The following ESPL1 variants were observed in gnomAD, a reference collection of about 807,000 sequenced individuals.
ESPL1 encodes extra spindle pole bodies like 1, separase, also known as separin.
A neutral mutation model predicts 217.2 loss-of-function variants in ESPL1; 50 were observed. That is an observed-to-expected ratio of 0.23 (90% CI 0.18 to 0.29). ESPL1 has a LOEUF of 0.29. Ranked by LOEUF, ESPL1 falls within the 10% of genes least tolerant of loss-of-function variation. The pLI, the probability that ESPL1 is intolerant of heterozygous loss-of-function variation, is 1.00. For missense variants in ESPL1, 1,834 were observed against 2,603.0 expected (o/e 0.70, Z 6.43); for synonymous variants, 994 against 1,081.3 (o/e 0.92, Z 1.58).
rs983195879 is a variant in ESPL1 at position 53,289,809 on chromosome 12, A to T, written c.5113+215A>T. ...CAGCAAATTCAGTGTCTTTCCTCAG[A>T]GGTGAGTTCAGATGACTGGGGTCTT... On this transcript the variant is annotated intron_variant, in intron 22 of 30. Transcript: ENST00000257934. 1.5e-5 allele frequency: 9 copies of T among 606,018 alleles called. No individual in the cohort carries two copies. The Admixed American group carries it at 2.8e-4, about 19-fold the overall frequency. 37.5% of individuals were successfully genotyped at this position (606,018 alleles called of 1,614,324 possible).
At chr12:53,279,599 C>A (rs1943826906) in intron 11 of ESPL1, 133 bp from the exon 12 acceptor site, 2 of 1,002,924 alleles carry the variant, frequency 2.0e-6, no homozygotes, top group Admixed American at 2.2e-5. Flanking sequence ...ATGATTGCTT[C>A]ATCTGGGTAA....
chr12:53,283,092 G>A, intron 14 of ESPL1, 37 bp from the exon 15 acceptor site: 4 of 1,613,184 alleles, frequency 2.5e-6, no homozygotes, highest in Non-Finnish European at 2.5e-6. Context: ...TGAAGTTCTG[G>A]CTGCATCTTC....
intron 11 of ESPL1, 132 bp from the exon 12 acceptor site, chr12:53,279,600 A>G: frequency 2.0e-6 from 2 of 1,018,940 alleles, no homozygotes; most frequent in African/African-American, 1.6e-5. Flanking sequence ...TGATTGCTTC[A>G]TCTGGGTAAC....
Position 53,286,045 on chromosome 12 carries a change from C to A in ESPL1, c.3309C>A (p.Gly1103=). 6.2e-7 allele frequency: 1 copy of A among 1,609,034 alleles called. No individual in the cohort carries two copies. The highest frequency in any genetic ancestry group is 8.5e-7 in the Non-Finnish European group (1 of 1,175,662). The change falls in exon 18 of 31, where the codon GGC becomes GGA. Residue 1103 remains glycine, a synonymous_variant. Coordinates refer to ENST00000257934, the MANE Select transcript of ESPL1 (RefSeq NM_012291.5). The surrounding 1 kb of genome is among the most constrained non-coding windows in gnomAD (Gnocchi z 5.3). ...CAGAGGAGGAGCTCTTCCTAAGAGG[C>A]CCTGCTCTAGAGCTGGTGGCCACTG... The part of the protein sequence containing the change: ...QLPEEELFLR[G]PALELVATVA...
chr12:53,282,405 C>T lies in ESPL1; in HGVS notation c.2761C>T (p.His921Tyr), dbSNP rs1943877621. ...YLSLPSNNLS[H>Y]SLWEQLCAQG... ...TAGCCTCCCGTCAAACAACCTCTCACACTCCCTGTGGGAGCAGCTCTGTGC... is the reference window on the plus strand; with the variant it reads ...TAGCCTCCCGTCAAACAACCTCTCATACTCCCTGTGGGAGCAGCTCTGTGC... Residue 921 changes from histidine to tyrosine, a missense_variant, in exon 14 of 31, where the codon CAC becomes TAC. This residue lies in a region of ESPL1 where 107 missense variants were observed against 171.7 expected (regional missense o/e 0.62). Transcript: ENST00000257934. The surrounding 1 kb of genome is among the most constrained non-coding windows in gnomAD (Gnocchi z 4.0). The T allele has an allele frequency of 1.2e-6, 2 of 1,614,206 alleles. No individual in the cohort carries two copies. Among genetic ancestry groups the T allele is most frequent in the Non-Finnish European group, 1.7e-6 (2 of 1,180,028 alleles).
rs1472340363 is a variant in ESPL1 at position 53,268,521 on chromosome 12, C to T, written c.-13+144C>T. 5 of 510,670 alleles carry T rather than the reference C, an allele frequency of 9.8e-6. No individual in the cohort carries two copies. The East Asian group carries it at 1.8e-4, about 18-fold the overall frequency. The allele number at this position is 510,670 out of a possible 1,614,324, so 31.6% of individuals were successfully genotyped here. ...GCCCCGGGCCGCTGAAGGGCTGGGC[C>T]GAGGCCTCTGGGGTAGCGCGGCGAG... On this transcript the variant is annotated intron_variant, in intron 1 of 30. Coordinates refer to ENST00000257934, the MANE Select transcript of ESPL1 (RefSeq NM_012291.5).
chr12:53,270,112 G>A (rs1943642903), intron 3 of ESPL1, 27 bp downstream of exon 3: 1 of 1,567,560 alleles, frequency 6.4e-7, no homozygotes, highest in Non-Finnish European at 8.7e-7. Flanking sequence ...GAGGTAGGGT[G>A]GGGACGTGGT....
rs1944010032 is a variant in ESPL1 at position 53,289,209 on chromosome 12, C to T, written c.4828C>T (p.His1610Tyr). Residue 1610 changes from histidine (H) to tyrosine (Y), a missense_variant, in exon 21 of 31, where the codon CAC (histidine) becomes TAC (tyrosine). By Grantham distance (83) the His-to-Tyr change is moderately conservative (BLOSUM62 2). Around this residue, in one of 5 missense-constraint regions of ESPL1, gnomAD observed 681 missense variants for 808.0 expected, o/e 0.84. Transcript: ENST00000257934. ...LCRFLALCLG[H>Y]RDPYATAFLV... ...CCGCTTCCTGGCCTTGTGCCTGGGC[C>T]ACCGGGATCCTTATGCCACTGCTTT... 1 of 1,613,886 alleles carries T rather than the reference C, an allele frequency of 6.2e-7. No homozygotes were observed. Among genetic ancestry groups the T allele is most frequent in the Non-Finnish European group, 8.5e-7 (1 of 1,180,030 alleles).
rs1194117666 is a variant in ESPL1, at chr12:53,292,724, T to C, written c.5996+67T>C. On this transcript the variant is annotated intron_variant, in intron 29 of 30. Transcript: ENST00000257934. The surrounding 1 kb of genome is among the most constrained non-coding windows in gnomAD (Gnocchi z 4.5). ...GAGGATGGTATCACCATGGGTTGCT[T>C]TGGGACTTGAGAGCCTCTGAAGACA... 12 of 1,602,630 alleles carry C rather than the reference T, an allele frequency of 7.5e-6. No homozygotes were observed. Among genetic ancestry groups the C allele is most frequent in the Non-Finnish European group, 1.0e-5 (12 of 1,172,418 alleles).
Position 53,270,074 on chromosome 12 carries a change from C to G in ESPL1, c.1132C>G (p.Arg378Gly), listed in dbSNP as rs1233498541. ...GTACTGCTCTCTTCTGCAGCAGCTG[C>G]GGGATGATGGTGTGAGTTAAGGACC... ...GGYCSLLQQL[R>G]DDGVYGGSSK... Residue 378 changes from arginine to glycine, a missense_variant, in exon 3 of 31, where the codon CGG (arginine) becomes GGG (glycine). Physicochemically the swap from Arg to Gly is moderately radical, Grantham distance 125. Coordinates refer to ENST00000257934, the MANE Select transcript of ESPL1 (RefSeq NM_012291.5). The G allele has an allele frequency of 6.2e-7, 1 of 1,607,034 alleles. No individual in the cohort carries two copies. Among genetic ancestry groups the G allele is most frequent in the Admixed American group, 1.7e-5 (1 of 59,364 alleles).
chr12:53,283,385 A>G lies in ESPL1; in HGVS notation c.2924A>G (p.Glu975Gly). ...AVETSFLDYG[E>G]NLVQKWQVLS... Reference sequence around the variant, plus strand: ...GGTCTTGTCTCTTTTGCTACAGGTGAAAATCTGGTACAAAAATGGCAGGTT... The same window carrying G: ...GGTCTTGTCTCTTTTGCTACAGGTGGAAATCTGGTACAAAAATGGCAGGTT... The change falls in exon 16 of 31, where the codon GAA becomes GGA. Residue 975 changes from glutamate (E) to glycine (G), a missense_variant. Around this residue, in one of 5 missense-constraint regions of ESPL1, gnomAD observed 107 missense variants for 171.7 expected, o/e 0.62. Transcript: ENST00000257934. 1 of 1,614,030 alleles carries G rather than the reference A, an allele frequency of 6.2e-7. No homozygotes were observed. Among genetic ancestry groups the G allele is most frequent in the South Asian group, 1.1e-5 (1 of 91,064 alleles).
intron 5 of ESPL1, 86 bp from the exon 6 acceptor site, chr12:53,272,635 G>C: frequency 6.7e-7 from 1 of 1,489,758 alleles, no homozygotes; most frequent in South Asian, 1.2e-5. Context: ...ACTGACCACA[G>C]ATCCAGCTGA....
At chr12:53,279,391 A>G (rs141891152) in intron 11 of ESPL1, among the ~76,000 whole-genome samples, 2,244 of 152,342 alleles carry the variant, frequency 0.015, 27 homozygotes, top group South Asian at 0.054. Context: ...TACCTGTTAT[A>G]TGAACTTAGA....
In ESPL1 at chr12:53,284,178, A is replaced by G. The variant is rs1227085457; in HGVS notation, c.3187+11A>G. 8 of 1,529,708 alleles carry G rather than the reference A, an allele frequency of 5.2e-6. No homozygotes were observed. The South Asian group carries it at 5.6e-5, about 11-fold the overall frequency. The allele number at this position is 1,529,708 out of a possible 1,614,324, so 94.8% of individuals were successfully genotyped here. A position where few individuals can be genotyped will look rare whatever the true frequency, so the allele number is the denominator to read the frequency against. ...TTGAGTCTTGCACAGGTGAGCAGCCATGTCCCCATGACCATAGGCGGTGCT... is the reference window on the plus strand; with the variant it reads ...TTGAGTCTTGCACAGGTGAGCAGCCGTGTCCCCATGACCATAGGCGGTGCT... On this transcript the variant is annotated intron_variant, in intron 17 of 30. Coordinates refer to ENST00000257934, the MANE Select transcript of ESPL1 (RefSeq NM_012291.5).
rs772221451 is a variant in ESPL1 at position 53,269,458 on chromosome 12, G to A, written c.516G>A (p.Leu172=). Residue 172 remains leucine (L), a synonymous_variant, in exon 3 of 31, where the codon TTG becomes TTA. Coordinates refer to ENST00000257934, the MANE Select transcript of ESPL1 (RefSeq NM_012291.5). The surrounding 1 kb of genome is among the most constrained non-coding windows in gnomAD (Gnocchi z 6.7). ...CATTTGCAGCTCGGCTGAAGGCCTT[G>A]AGCTTCCTAGTACTCTTGGAGGATG... The part of the protein sequence containing the change: ...RAAFAARLKA[L]SFLVLLEDES... 1 of 1,614,214 alleles carries A rather than the reference G, an allele frequency of 6.2e-7. No homozygotes were observed. Among genetic ancestry groups the A allele is most frequent in the East Asian group, 2.2e-5 (1 of 44,888 alleles).
At position 53,282,483 on chromosome 12, in the gene ESPL1, G is replaced by C; in HGVS notation, c.2791+48G>C. 6.4e-7 allele frequency: 1 copy of C among 1,559,828 alleles called. No homozygotes were observed. The highest frequency in any genetic ancestry group is 8.8e-7 in the Non-Finnish European group (1 of 1,135,192). On this transcript the variant is annotated intron_variant, in intron 14 of 30. Coordinates refer to ENST00000257934, the MANE Select transcript of ESPL1 (RefSeq NM_012291.5). This position sits in a 1 kb window ranked among gnomAD's most constrained non-coding sequence, Gnocchi z 4.0. ...CCCCCTTGGATGACATGTATGGTCT[G>C]TCTGCTGTCAGCTCTTCTCAAACCT... is the stretch of plus-strand genomic sequence containing the variant.
chr12:53,285,830 C>T (rs1258933017), intron 17 of ESPL1, 94 bp from the exon 18 acceptor site: 1 of 917,634 alleles, frequency 1.1e-6, no homozygotes, highest in Non-Finnish European at 1.7e-6. Context: ...GTATATAAAA[C>T]ACATATATTA....
intron 9 of ESPL1, 80 bp downstream of exon 9, chr12:53,277,307 C>T (rs1437427430): frequency 5.9e-6 from 9 of 1,525,160 alleles, no homozygotes; most frequent in Non-Finnish European, 8.0e-6. Flanking sequence ...TTGGTATCAG[C>T]CCTTTTTTTT....
chr12:53,289,960 G>A, intron 22 of ESPL1, 125 bp from the exon 23 acceptor site: 1 of 1,044,506 alleles, frequency 9.6e-7, no homozygotes, highest in South Asian at 1.5e-5. Flanking sequence ...AGAGCACCTT[G>A]ACCTCTAGTG....
Sources: allele counts gnomAD v4.1 joint callset (sites outside exome capture counted in the v4.1 genomes callset), GRCh38; gene constraint gnomAD v4.1.1; regional missense constraint gnomAD v4.1.1; non-coding constraint Gnocchi (gnomAD v3.1); transcripts MANE v1.5; gene names NCBI Gene and HGNC (gene_info 2026-07-23, HGNC 2026-07-21).